COLEC12: variants seen among roughly 807,000 people sequenced by gnomAD.
COLEC12 encodes collectin subfamily member 12, also known as collectin-12.
In COLEC12, 33 loss-of-function variants were observed where a neutral mutation model predicts 71.1. The ratio of observed to expected loss-of-function variants is 0.46; its 90% CI spans 0.35 to 0.62. The LOEUF is 0.62. Ranked by LOEUF, COLEC12 falls within the 20% of genes least tolerant of loss-of-function variation. COLEC12 has a pLI of 0.00. For missense variants in COLEC12, 765 were observed against 916.1 expected (o/e 0.84, Z 2.13); for synonymous variants, 350 against 353.0 (o/e 0.99, Z 0.10).
At chr18:357,766 T>C (rs1200868388) in intron 2 of COLEC12, among the ~76,000 whole-genome samples, 4 of 152,262 alleles carry the variant, frequency 2.6e-5, no homozygotes, top group African/African-American at 7.2e-5. Context: ...TTTCATAGAA[T>C]ACAGTCATGC....
At chr18:489,731 A>T (rs192289045) in intron 1 of COLEC12, among the ~76,000 whole-genome samples, 1 of 152,338 alleles carries the variant, frequency 6.6e-6, no homozygotes, top group Non-Finnish European at 1.5e-5. Context: ...AATAATATCA[A>T]CACTGAATGT....
At chr18:323,357 A>C (rs1913761186) in intron 8 of COLEC12, among the ~76,000 whole-genome samples, 1 of 152,226 alleles carries the variant, frequency 6.6e-6, no homozygotes, top group African/African-American at 2.4e-5. Flanking sequence ...GTTAGAAAAT[A>C]GTCTCACTCA....
rs532617392 is a variant in COLEC12 at position 441,197 on chromosome 18, G to A, written c.58+39510C>T. 6.1e-4 allele frequency among the ~76,000 whole-genome samples: 91 copies of A among 149,690 alleles called. 1 individual carries two copies. The South Asian group carries it at 0.019, about 30-fold the overall frequency. The stretch of plus-strand genomic sequence containing the variant: ...CGGGAGGCGGAGCTTGCAGTGAGCC[G>A]AGATTGTGCCACTGCACTCCAGCCT... On this transcript the variant is annotated intron_variant, in intron 2 of 9. Coordinates refer to ENST00000400256, the MANE Select transcript of COLEC12 (RefSeq NM_130386.3).
chr18:466,403 G>T (rs937039635), intron 2 of COLEC12, among the ~76,000 whole-genome samples: 12 of 152,154 alleles, frequency 7.9e-5, no homozygotes, highest in African/African-American at 2.9e-4. Flanking sequence ...GCTCCAGTTT[G>T]TCTCCTTCCT....
intron 1 of COLEC12, among the ~76,000 whole-genome samples, chr18:490,891 C>T (rs1268880739): frequency 1.3e-5 from 2 of 152,264 alleles, no homozygotes; most frequent in Non-Finnish European, 1.5e-5. Flanking sequence ...ACTTCTCTTC[C>T]ATGCTGGCCC....
chr18:414,613 CAAACAAA>C lies in COLEC12; in HGVS notation c.59-57098_59-57092del, dbSNP rs1200338194. Among the ~76,000 whole-genome samples, 339 of 152,182 alleles carry C rather than the reference CAAACAAA, an allele frequency of 2.2e-3. 2 individuals are homozygous for C. Among genetic ancestry groups the C allele is most frequent in the African/African-American group, 7.9e-3 (330 of 41,518 alleles). On this transcript the variant is annotated intron_variant, in intron 2 of 9. Coordinates refer to ENST00000400256, the MANE Select transcript of COLEC12 (RefSeq NM_130386.3). The stretch of plus-strand genomic sequence containing the variant: ...AACTGTGTCTCAGAAAACAAACAAA[CAAACAAA>C]AAACAAAAAACAAAACCGAACTCTT...
At chr18:357,179 C>T (rs994759869) in intron 3 of COLEC12, among the ~76,000 whole-genome samples, 7 of 152,060 alleles carry the variant, frequency 4.6e-5, no homozygotes, top group African/African-American at 1.2e-4. Flanking sequence ...TCAGAGAGGA[C>T]GCTGATTATT....
chr18:431,438 T>C (rs1003689916), intron 2 of COLEC12, among the ~76,000 whole-genome samples: 2 of 152,238 alleles, frequency 1.3e-5, no homozygotes, highest in African/African-American at 4.8e-5. Context: ...TTGAAGCACG[T>C]TGGCAGATGC....
chr18:397,121 G>T (rs1436732690), intron 2 of COLEC12, among the ~76,000 whole-genome samples: 2 of 152,198 alleles, frequency 1.3e-5, no homozygotes, highest in Admixed American at 1.3e-4. Context: ...AAGACAAGGA[G>T]ATTTCCTGTC....
At chr18:474,159 T>C (rs1019722576) in intron 2 of COLEC12, among the ~76,000 whole-genome samples, 10 of 152,190 alleles carry the variant, frequency 6.6e-5, no homozygotes, top group Non-Finnish European at 1.5e-5. Flanking sequence ...AGCTTCCCAG[T>C]CACAAGTAGA....
chr18:338,947 A>T (rs1914180075), intron 5 of COLEC12, among the ~76,000 whole-genome samples: 1 of 150,622 alleles, frequency 6.6e-6, no homozygotes, highest in African/African-American at 2.4e-5. Context: ...GGGAAATTCA[A>T]GTGTTTTAAG....
intron 2 of COLEC12, among the ~76,000 whole-genome samples, chr18:459,221 G>T (rs1046394943): frequency 6.6e-5 from 10 of 152,190 alleles, no homozygotes; most frequent in Non-Finnish European, 1.3e-4. Context: ...ACTCTAATGA[G>T]GGGTCTGGAT....
chr18:346,737 A>G lies in COLEC12; in HGVS notation c.885T>C (p.Gly295=). The part of the protein sequence containing the change: ...DMNSQLNSFT[G]QMENITTISQ... ...AGATAGTGGTGATGTTCTCCATCTG[A>G]CCTGTGAATGAGTTGAGCTGGCTGT... Residue 295 remains glycine (G), a synonymous_variant, in exon 5 of 10, where the codon GGT becomes GGC. Transcript: ENST00000400256. The surrounding 1 kb of genome is among the most constrained non-coding windows in gnomAD (Gnocchi z 4.0). 6.2e-7 allele frequency: 1 copy of G among 1,614,150 alleles called. No homozygotes were observed. The highest frequency in any genetic ancestry group is 8.5e-7 in the Non-Finnish European group (1 of 1,180,032).
Position 346,037 on chromosome 18 carries a change from A to G in COLEC12, c.1327+258T>C, listed in dbSNP as rs535962429. Among the ~76,000 whole-genome samples the G allele has an allele frequency of 7.2e-5, 11 of 152,306 alleles. No homozygotes were observed. The highest frequency in any genetic ancestry group is 3.4e-3 in the Middle Eastern group (1 of 294). ...GAACTGAGGCCTCCTGCCAAGAGCT[A>G]TGTGAACAGGCCACTTAAGTAGCAG... On this transcript the variant is annotated intron_variant, in intron 5 of 9. Transcript: ENST00000400256. The surrounding 1 kb of genome is among the most constrained non-coding windows in gnomAD (Gnocchi z 4.0).
At chr18:467,467 G>C (rs72853161) in intron 2 of COLEC12, among the ~76,000 whole-genome samples, 6 of 152,224 alleles carry the variant, frequency 3.9e-5, no homozygotes, top group African/African-American at 1.4e-4. Flanking sequence ...ATTTTCCTCT[G>C]TTGGTAACTG....
At chr18:484,594 G>T (rs942449686) in intron 1 of COLEC12, among the ~76,000 whole-genome samples, 2 of 152,138 alleles carry the variant, frequency 1.3e-5, no homozygotes, top group Non-Finnish European at 2.9e-5. Context: ...TTTTTTGGGG[G>T]CGAGGATAGA....
intron 2 of COLEC12, among the ~76,000 whole-genome samples, chr18:460,660 G>C (rs1406359812): frequency 6.6e-6 from 1 of 152,176 alleles, no homozygotes; most frequent in Non-Finnish European, 1.5e-5. Context: ...AAAGGCACGT[G>C]AGAAGCCCAG....
chr18:488,755 A>C lies in COLEC12; in HGVS notation c.8-7998T>G, dbSNP rs529210764. On this transcript the variant is annotated intron_variant, in intron 1 of 9. Transcript: ENST00000400256. ...GGGCGTGCTGGTGTGCACCTGTAAT[A>C]CCAGCTACTCGGGAGGCTGAGGCAG... 7.3e-5 allele frequency among the ~76,000 whole-genome samples: 11 copies of C among 150,098 alleles called. No homozygotes were observed. In the South Asian group the frequency reaches 1.7e-3, roughly 23 times the overall value.
intron 2 of COLEC12, among the ~76,000 whole-genome samples, chr18:386,268 C>T (rs966046309): frequency 3.3e-5 from 5 of 152,188 alleles, no homozygotes; most frequent in African/African-American, 9.7e-5. Context: ...TGAGCACCAA[C>T]TGTACAAGTC....
Sources: gnomAD v4.1 joint callset for allele counts (sites outside exome capture counted in the v4.1 genomes callset) on GRCh38, gnomAD v4.1.1 for gene constraint, Gnocchi (gnomAD v3.1) non-coding constraint, MANE v1.5 for transcripts, NCBI Gene and HGNC (gene_info 2026-07-23, HGNC 2026-07-21) for gene names.